FCRL5: variants seen among roughly 807,000 people sequenced by gnomAD.
FCRL5 encodes Fc receptor-like protein 5.
A neutral mutation model predicts 92.1 loss-of-function variants in FCRL5; 79 were observed. That is an observed-to-expected ratio of 0.86 (90% confidence interval 0.72 to 1.03). The LOEUF is 1.03. FCRL5 is among the 50% of genes least tolerant of loss of function. FCRL5 has a pLI of 0.00. For synonymous variants in FCRL5, 466 were observed against 469.3 expected (o/e 0.99, Z 0.09); for missense variants, 1,160 against 1,181.1 (o/e 0.98, Z 0.26).
chr1:157,521,288 C>A lies in FCRL5; in HGVS notation c.2244G>T (p.Pro748=), dbSNP rs755731649. 4 of 1,600,506 alleles carry A rather than the reference C, an allele frequency of 2.5e-6. No homozygotes were observed. The highest frequency in any genetic ancestry group is 3.4e-6 in the Non-Finnish European group (4 of 1,174,832). The change falls in exon 11 of 17, where the codon CCG becomes CCT. Residue 748 remains proline (P), a synonymous_variant. Coordinates refer to ENST00000361835, the MANE Select transcript of FCRL5 (RefSeq NM_031281.3). ...SEMVTLKVAV[P]VSRPVLTLRA... ...TGAGGGTGAGGACCGGGCGAGACAC[C>A]GGAACTGAAAGAGAACAAAAAGTCA...
At chr1:157,532,804 A>G (rs940356599) in intron 8 of FCRL5, 1 of 152,188 alleles carries the variant, frequency 6.6e-6, no homozygotes, top group Non-Finnish European at 1.5e-5. Context: ...CGAGTCTAAT[A>G]TGCAGCCAGG....
At chr1:157,545,169 A>G in intron 3 of FCRL5, 87 bp from the exon 4 acceptor site, 1 of 1,458,832 alleles carries the variant, frequency 6.9e-7, no homozygotes, top group South Asian at 1.3e-5. Flanking sequence ...TTATTTTAAA[A>G]AAATGGGTTG....
intron 6 of FCRL5, chr1:157,542,538 A>C: frequency 3.1e-6 from 1 of 323,224 alleles, no homozygotes. Context: ...TGAGAATAAT[A>C]TAGTGAATGA....
intron 6 of FCRL5, among the ~76,000 whole-genome samples, 190 bp from the exon 7 acceptor site, chr1:157,539,554 AC>A (rs1245991789): frequency 6.6e-6 from 1 of 152,236 alleles, no homozygotes; most frequent in Non-Finnish European, 1.5e-5. Flanking sequence ...TCTAAAAGCT[AC>A]ATACCTCCCT....
rs903011986 is a variant in FCRL5, at chr1:157,518,278, G to A, written c.2812+151C>T. On this transcript the variant is annotated intron_variant, in intron 15 of 16. Transcript: ENST00000361835. Reference sequence around the variant, plus strand: ...GTGCAGGGGAGGCTTGGATTCACCTGAAGCAGCATAGGCACACATAAAGAA... The same window carrying A: ...GTGCAGGGGAGGCTTGGATTCACCTAAAGCAGCATAGGCACACATAAAGAA... 6 of 647,768 alleles carry A rather than the reference G, an allele frequency of 9.3e-6. No homozygotes were observed. In the African/African-American group the frequency reaches 1.1e-4, roughly 12 times the overall value. The allele number at this position is 647,768 out of a possible 1,614,324, so 40.1% of individuals were successfully genotyped here.
chr1:157,519,741 A>G lies in FCRL5; in HGVS notation c.2660+2T>C. 6.2e-7 allele frequency: 1 copy of G among 1,613,990 alleles called. No individual in the cohort carries two copies. ...CACACAGGAATGCAGCTCAGCTCTT[A>G]CCTGGCGGGGTCAGAGGCAGGCTTT... On this transcript the variant is annotated splice_donor_variant, in intron 13 of 16. Coordinates refer to ENST00000361835, the MANE Select transcript of FCRL5 (RefSeq NM_031281.3). LOFTEE classifies it high-confidence loss of function.
intron 4 of FCRL5, 79 bp from the exon 5 acceptor site, chr1:157,544,625 A>C: frequency 6.5e-7 from 1 of 1,535,998 alleles, no homozygotes; most frequent in Non-Finnish European, 8.9e-7. Context: ...AAGCAGCAGC[A>C]CATCCAAAAG....
At position 157,544,202 on chromosome 1, in the gene FCRL5, A is replaced by G. The variant is rs1651410274; in HGVS notation, c.844+60T>C. 4 of 1,578,318 alleles carry G rather than the reference A, an allele frequency of 2.5e-6. No individual in the cohort carries two copies. In the African/African-American group the frequency reaches 4.0e-5, roughly 16 times the overall value. On this transcript the variant is annotated intron_variant, in intron 5 of 16. Transcript: ENST00000361835. ...AGACTGGTGACCCACGCTGATATGC[A>G]GCCCTGTCCCACTTTTCCAGCCCTC...
intron 15 of FCRL5, among the ~76,000 whole-genome samples, chr1:157,517,970 G>C (rs1276485426): frequency 4.6e-5 from 7 of 152,132 alleles, no homozygotes; most frequent in African/African-American, 1.4e-4. Context: ...GGAGTCATCT[G>C]TCTGGAAAAT....
At chr1:157,542,541 G>A in intron 6 of FCRL5, 2 of 330,608 alleles carry the variant, frequency 6.0e-6, no homozygotes, top group Non-Finnish European at 1.1e-5. Context: ...GAATAATATA[G>A]TGAATGAAAA....
chr1:157,540,525 T>TA (rs536172209), intron 6 of FCRL5, among the ~76,000 whole-genome samples: 2,014 of 142,180 alleles, frequency 0.014, 35 homozygotes, highest in Middle Eastern at 0.047. Context: ...TCTCCATGTT[T>TA]AAAAAAAAAA....
At chr1:157,524,186 G>T in intron 10 of FCRL5, 93 bp downstream of exon 10, 2 of 1,403,802 alleles carry the variant, frequency 1.4e-6, no homozygotes, top group Non-Finnish European at 9.9e-7. Flanking sequence ...CAAGCAAACA[G>T]CCCTGAGGAG....
At position 157,524,341 on chromosome 1, in the gene FCRL5, G is replaced by C. The variant is rs185854028; in HGVS notation, c.2177C>G (p.Ser726Cys). 1.9e-6 allele frequency: 3 copies of C among 1,614,258 alleles called. No individual in the cohort carries two copies. The East Asian group carries it at 6.7e-5, about 36-fold the overall frequency. ...SLTTEHSGIYSCEADNGLEAQ... is the reference protein window; with the variant it reads ...SLTTEHSGIYCCEADNGLEAQ... ...CTCCAGACCATTGTCTGCCTCACAG[G>C]AGTAGATTCCAGAATGTTCTGTAGT... The change falls in exon 10 of 17, where the codon TCC (serine) becomes TGC (cysteine). Residue 726 changes from serine (S) to cysteine (C), a missense_variant. Transcript: ENST00000361835.
intron 6 of FCRL5, among the ~76,000 whole-genome samples, chr1:157,541,533 G>A (rs1210716777): frequency 1.3e-5 from 2 of 152,176 alleles, no homozygotes; most frequent in Non-Finnish European, 2.9e-5. Flanking sequence ...CCAGTTCCTG[G>A]AACATGCCTT....
In FCRL5 at chr1:157,514,769, A is replaced by C. The variant is rs1166437431; in HGVS notation, c.*906T>G. ...CTCTTGCTGAACAGTTTCCTCATCC[A>C]AGCTCCTTCTCTTCCATTGTTTCTT... is the stretch of plus-strand genomic sequence containing the variant. On this transcript the variant is annotated 3_prime_UTR_variant, in exon 17 of 17. Transcript: ENST00000361835. The C allele has an allele frequency of 6.6e-6, 1 of 152,200 alleles. No individual in the cohort carries two copies. The highest frequency in any genetic ancestry group is 2.4e-5 in the African/African-American group (1 of 41,428). The allele number at this position is 152,200 out of a possible 1,614,324, so 9.4% of individuals were successfully genotyped here.
At chr1:157,546,323 T>C (rs745993251) in intron 3 of FCRL5, 3 of 430,614 alleles carry the variant, frequency 7.0e-6, no homozygotes, top group South Asian at 5.2e-5. Flanking sequence ...TGGCGGGCTC[T>C]TGTAGTCCTA....
At chr1:157,524,233 C>A (rs760001948) in intron 10 of FCRL5, 46 bp downstream of exon 10, 2 of 1,605,208 alleles carry the variant, frequency 1.2e-6, no homozygotes, top group Non-Finnish European at 1.7e-6. Flanking sequence ...GGAGAACAGG[C>A]ACAGTCAGTT....
rs201119582 is a variant in FCRL5 at position 157,544,829 on chromosome 1, A to G, written c.559+2T>C. ...CACTTCACAAAATAATGAAGGCTTT[A>G]CCTTGGACTTGGATTTTGACTGTAT... On this transcript the variant is annotated splice_donor_variant, in intron 4 of 16. Coordinates refer to ENST00000361835, the MANE Select transcript of FCRL5 (RefSeq NM_031281.3). LOFTEE classifies it high-confidence loss of function. 1.2e-6 allele frequency: 2 copies of G among 1,614,060 alleles called. No individual in the cohort carries two copies. Among genetic ancestry groups the G allele is most frequent in the Admixed American group, 3.3e-5 (2 of 60,006 alleles).
At chr1:157,548,033 C>T (rs1056924952) in intron 2 of FCRL5, among the ~76,000 whole-genome samples, 2 of 152,210 alleles carry the variant, frequency 1.3e-5, no homozygotes, top group African/African-American at 4.8e-5. Context: ...GGGATATTTT[C>T]AGGGTATTTT....
Sources: allele counts gnomAD v4.1 joint callset (sites outside exome capture counted in the v4.1 genomes callset), GRCh38; gene constraint gnomAD v4.1.1; transcripts MANE v1.5; gene names NCBI Gene and HGNC (gene_info 2026-07-23, HGNC 2026-07-21).